PALMD: variants seen among roughly 807,000 people sequenced by gnomAD.
The protein encoded by PALMD is paralemmin-like protein.
PALMD carries 42 observed loss-of-function variants against 56.2 expected under a neutral mutation model. That is an observed-to-expected ratio of 0.75 (90% confidence interval 0.58 to 0.97). The LOEUF is 0.97. PALMD is among the 50% of genes least tolerant of loss of function. PALMD has a pLI of 0.00. For missense variants in PALMD, 660 were observed against 643.8 expected, an observed-to-expected ratio of 1.03 and a Z score of -0.27; for synonymous variants, 242 against 222.9, an observed-to-expected ratio of 1.09 and a Z score of -0.76.
chr1:99,648,379 G>A (rs1652489009), intron 1 of PALMD, among the ~76,000 whole-genome samples: 2 of 151,948 alleles, frequency 1.3e-5, no homozygotes, highest in African/African-American at 2.4e-5. Context: ...CCTCGCCCTC[G>A]CCCTTGCCTT....
intron 1 of PALMD, among the ~76,000 whole-genome samples, chr1:99,647,865 T>TC (rs2100850676): frequency 6.6e-6 from 1 of 152,334 alleles, no homozygotes; most frequent in South Asian, 2.1e-4. Context: ...AAGCCCTTTT[T>TC]CCCTCCAGTG....
intron 3 of PALMD, chr1:99,684,203 TG>T (rs1454265244): frequency 6.6e-6 from 1 of 152,194 alleles, no homozygotes; most frequent in Non-Finnish European, 1.5e-5. Flanking sequence ...AATCTAGCCC[TG>T]GCCTGATTTT....
intron 3 of PALMD, among the ~76,000 whole-genome samples, chr1:99,676,068 T>G (rs1249095371): frequency 6.6e-6 from 1 of 152,208 alleles, no homozygotes; most frequent in Non-Finnish European, 1.5e-5. Context: ...CTCTGCTTCT[T>G]GTTATCTTAA....
chr1:99,666,822 C>T (rs1163196323), intron 2 of PALMD, among the ~76,000 whole-genome samples: 3 of 152,160 alleles, frequency 2.0e-5, no homozygotes, highest in African/African-American at 7.2e-5. Flanking sequence ...AGGTCTTTTT[C>T]ATTTGTTTTA....
At chr1:99,690,786 T>G (rs546057179) in intron 7 of PALMD, among the ~76,000 whole-genome samples, 22 of 152,176 alleles carry the variant, frequency 1.4e-4, no homozygotes, top group African/African-American at 5.3e-4. Context: ...TAATTTTAAA[T>G]GTCTCTAATG....
At chr1:99,646,654 A>G (rs1652451177) in intron 1 of PALMD, among the ~76,000 whole-genome samples, 1 of 152,254 alleles carries the variant, frequency 6.6e-6, no homozygotes, top group Non-Finnish European at 1.5e-5. Context: ...TCTGTGGTGT[A>G]CCTTAGAAAT....
chr1:99,652,486 C>G (rs912903674), intron 1 of PALMD, among the ~76,000 whole-genome samples: 5 of 151,894 alleles, frequency 3.3e-5, no homozygotes, highest in South Asian at 2.1e-4. Flanking sequence ...CGCCTGTAAT[C>G]CCAGCTACTT....
At chr1:99,673,496 A>G (rs968430399) in intron 3 of PALMD, among the ~76,000 whole-genome samples, 2 of 148,816 alleles carry the variant, frequency 1.3e-5, no homozygotes, top group Admixed American at 6.6e-5. Context: ...AAAAGAGGCG[A>G]AAAAAAACTC....
At chr1:99,682,483 C>T (rs1272116758) in intron 3 of PALMD, among the ~76,000 whole-genome samples, 1 of 152,150 alleles carries the variant, frequency 6.6e-6, no homozygotes, top group Non-Finnish European at 1.5e-5. Context: ...CAAAAATATT[C>T]ATTAACAGAT....
chr1:99,694,060 T>C lies in PALMD; in HGVS notation c.1654T>C (p.Ter552GlnextTer48). Residue 552 changes from the stop codon to glutamine (Q), a stop_lost, in exon 8 of 8, where the codon TAA (stop) becomes CAA (glutamine). Transcript: ENST00000263174. ...RMAKLGKKVI[*>Q] Reference sequence around the variant, plus strand: ...GGCAAAGCTGGGAAAAAAGGTGATCTAAGAGTTGTACCACCTATATAAACA... The same window carrying C: ...GGCAAAGCTGGGAAAAAAGGTGATCCAAGAGTTGTACCACCTATATAAACA... 6.3e-7 allele frequency: 1 copy of C among 1,590,458 alleles called. No individual in the cohort carries two copies. Among genetic ancestry groups the C allele is most frequent in the Non-Finnish European group, 8.6e-7 (1 of 1,160,160 alleles).
chr1:99,662,214 C>A, intron 1 of PALMD, 105 bp from the exon 2 acceptor site: 1 of 668,874 alleles, frequency 1.5e-6, no homozygotes, highest in East Asian at 2.8e-5. Flanking sequence ...ACACCAATGC[C>A]AAAAAAATAT....
chr1:99,654,131 C>T (rs560072397), intron 1 of PALMD, among the ~76,000 whole-genome samples: 1 of 152,204 alleles, frequency 6.6e-6, no homozygotes, highest in South Asian at 2.1e-4. Flanking sequence ...ACAAGTTCCA[C>T]CACTCGATCA....
At chr1:99,664,163 G>A (rs1337593359) in intron 2 of PALMD, among the ~76,000 whole-genome samples, 1 of 152,178 alleles carries the variant, frequency 6.6e-6, no homozygotes, top group African/African-American at 2.4e-5. Flanking sequence ...AAAGGGGTGT[G>A]TGTGGCATGG....
chr1:99,647,395 A>C (rs888345415), intron 1 of PALMD, among the ~76,000 whole-genome samples: 1 of 152,204 alleles, frequency 6.6e-6, no homozygotes, highest in African/African-American at 2.4e-5. Flanking sequence ...TTTTTTACTA[A>C]TTGATACAAT....
At chr1:99,661,695 G>T (rs1294317692) in intron 1 of PALMD, among the ~76,000 whole-genome samples, 1 of 152,166 alleles carries the variant, frequency 6.6e-6, no homozygotes, top group East Asian at 1.9e-4. Flanking sequence ...TTTCTGGGTT[G>T]TCCGAGGTAA....
chr1:99,693,995 T>C, intron 7 of PALMD, 24 bp from the exon 8 acceptor site: 2 of 1,528,754 alleles, frequency 1.3e-6, no homozygotes, highest in South Asian at 1.2e-5. Flanking sequence ...TTTATAACTC[T>C]CTTTTTTTTT....
intron 3 of PALMD, among the ~76,000 whole-genome samples, chr1:99,675,437 A>G (rs531347381): frequency 5.4e-4 from 82 of 152,328 alleles, no homozygotes; most frequent in South Asian, 2.1e-4. Flanking sequence ...GTATATCTTC[A>G]GTTAACTTGC....
chr1:99,682,771 C>T (rs1193016131), intron 3 of PALMD, among the ~76,000 whole-genome samples: 5 of 151,542 alleles, frequency 3.3e-5, no homozygotes, highest in Non-Finnish European at 4.4e-5. Flanking sequence ...TTTGAGAGGC[C>T]GAGGCAAGCA....
intron 3 of PALMD, among the ~76,000 whole-genome samples, chr1:99,679,215 T>G (rs1042712446): frequency 1.3e-5 from 2 of 152,142 alleles, no homozygotes; most frequent in Non-Finnish European, 1.5e-5. Context: ...TAAGAGCCAG[T>G]CATAAACTTA....
Sources: gnomAD v4.1 joint callset for allele counts (sites outside exome capture counted in the v4.1 genomes callset) on GRCh38, gnomAD v4.1.1 for gene constraint, MANE v1.5 for transcripts, NCBI Gene and HGNC (gene_info 2026-07-23, HGNC 2026-07-21) for gene names.